DPP6: variants seen among roughly 807,000 people sequenced by gnomAD.
DPP6 encodes dipeptidyl peptidase like 6.
DPP6 carries 69 observed loss-of-function variants against 122.6 expected under a neutral mutation model. That is an observed-to-expected ratio of 0.56 (90% CI 0.46 to 0.69). DPP6 has a LOEUF of 0.69. Among genes scored for constraint, DPP6 ranks in the 30% least tolerant of loss-of-function variants. DPP6 has a pLI of 0.00. For missense variants in DPP6, 928 were observed against 1,116.9 expected, an observed-to-expected ratio of 0.83 and a Z score of 2.41; for synonymous variants, 418 against 433.1, an observed-to-expected ratio of 0.97 and a Z score of 0.43.
chr7:153,797,081 A>G, the DPP6 span, among the ~76,000 whole-genome samples: 1 of 152,156 alleles, frequency 6.6e-6, no homozygotes, highest in Non-Finnish European at 1.5e-5. Flanking sequence ...AGGGCCTGGG[A>G]TCTGCCGTCA....
intron 1 of DPP6, among the ~76,000 whole-genome samples, chr7:154,158,152 G>A (rs1796785955): frequency 6.7e-6 from 1 of 149,522 alleles, no homozygotes. Context: ...TGATTGCATT[G>A]TTGCTGAACA....
At chr7:153,908,215 T>C (rs995709346) in intron 1 of DPP6, among the ~76,000 whole-genome samples, 2 of 152,132 alleles carry the variant, frequency 1.3e-5, no homozygotes, top group South Asian at 2.1e-4. Flanking sequence ...GGAATTAGAA[T>C]TATAAAGAAT....
chr7:154,685,674 G>C (rs1839555883), intron 7 of DPP6, among the ~76,000 whole-genome samples: 1 of 152,152 alleles, frequency 6.6e-6, no homozygotes, highest in South Asian at 2.1e-4. Context: ...TAAAATTGCT[G>C]GTCATTAAAA....
chr7:154,184,267 G>A (rs1172502690), intron 1 of DPP6, among the ~76,000 whole-genome samples: 1 of 151,408 alleles, frequency 6.6e-6, no homozygotes, highest in African/African-American at 2.4e-5. Context: ...GTAAGAAAAA[G>A]AATGTAGAAC....
At chr7:154,394,642 A>T (rs185208624) in intron 1 of DPP6, among the ~76,000 whole-genome samples, 5 of 152,306 alleles carry the variant, frequency 3.3e-5, no homozygotes, top group African/African-American at 1.2e-4. Context: ...GGTGACAATA[A>T]ATCAATGCCA....
At chr7:154,138,374 G>A (rs1248437126) in intron 1 of DPP6, among the ~76,000 whole-genome samples, 3 of 152,228 alleles carry the variant, frequency 2.0e-5, no homozygotes, top group African/African-American at 4.8e-5. Flanking sequence ...CTGGGATGAA[G>A]ACATTATTTG....
At position 154,278,185 on chromosome 7, in the gene DPP6, A is replaced by G. The variant is rs570958032; in HGVS notation, c.244-168029A>G. On this transcript the variant is annotated intron_variant, in intron 1 of 25. Coordinates refer to ENST00000377770, the MANE Select transcript of DPP6 (RefSeq NM_130797.4). ...TTTCACCAACAACTTACAACTCCAC[A>G]GTAAGTTGAGAGGAGTCCCGACTCC... 5.3e-5 allele frequency among the ~76,000 whole-genome samples: 8 copies of G among 152,316 alleles called. 1 individual carries two copies. The highest frequency in any genetic ancestry group is 1.9e-4 in the African/African-American group (8 of 41,572).
At chr7:153,897,521 G>T (rs191266369) in intron 1 of DPP6, among the ~76,000 whole-genome samples, 172 of 152,272 alleles carry the variant, frequency 1.1e-3, no homozygotes, top group African/African-American at 4.0e-3. Context: ...TACAGTTTTA[G>T]CTTGAAGCCT....
chr7:154,356,014 C>G (rs2151088616), intron 1 of DPP6, among the ~76,000 whole-genome samples: 1 of 152,184 alleles, frequency 6.6e-6, no homozygotes, highest in Admixed American at 6.5e-5. Context: ...TTCTCTTAAC[C>G]TCATTTTAAT....
At chr7:154,657,887 A>T (rs944128818) in intron 6 of DPP6, among the ~76,000 whole-genome samples, 1 of 152,158 alleles carries the variant, frequency 6.6e-6, no homozygotes, top group African/African-American at 2.4e-5. Context: ...TCCATGGAAA[A>T]ACTTGGAGCC....
intron 8 of DPP6, among the ~76,000 whole-genome samples, chr7:154,746,712 T>C (rs1345201956): frequency 6.6e-6 from 1 of 152,178 alleles, no homozygotes; most frequent in Non-Finnish European, 1.5e-5. Context: ...CAAAAGAGTA[T>C]TCACTGTGAC....
At position 154,202,096 on chromosome 7, in the gene DPP6, A is replaced by G. The variant is rs536587072; in HGVS notation, c.243+149033A>G. Among the ~76,000 whole-genome samples, 14 of 152,268 alleles carry G rather than the reference A, an allele frequency of 9.2e-5. No homozygotes were observed. The East Asian group carries it at 2.7e-3, about 29-fold the overall frequency. On this transcript the variant is annotated intron_variant, in intron 1 of 25. Coordinates refer to ENST00000377770, the MANE Select transcript of DPP6 (RefSeq NM_130797.4). The stretch of plus-strand genomic sequence containing the variant: ...GAGTTTTGGGAATTTAAATAAGTAA[A>G]TCGTGTGATGGAGTTTGGAAGTGAT...
intron 1 of DPP6, among the ~76,000 whole-genome samples, chr7:153,955,691 G>A (rs779592877): frequency 8.3e-4 from 127 of 152,106 alleles, no homozygotes; most frequent in Middle Eastern, 3.2e-3. Flanking sequence ...CACCCACCTC[G>A]GCCTCCAAAA....
At chr7:153,984,231 T>C (rs544519617) in intron 1 of DPP6, among the ~76,000 whole-genome samples, 123 of 152,322 alleles carry the variant, frequency 8.1e-4, no homozygotes, top group African/African-American at 2.9e-3. Context: ...TTTCTCCTTA[T>C]GTCTGTGATT....
At chr7:154,377,687 C>A (rs557031919) in intron 1 of DPP6, among the ~76,000 whole-genome samples, 28 of 152,002 alleles carry the variant, frequency 1.8e-4, no homozygotes, top group Middle Eastern at 3.4e-3. Flanking sequence ...TCCCCTTCAC[C>A]TTCCACCATG....
intron 1 of DPP6, among the ~76,000 whole-genome samples, chr7:153,918,582 C>CACACACAG (rs1800478372): frequency 2.7e-5 from 1 of 37,272 alleles, no homozygotes; most frequent in African/African-American, 9.3e-5. Flanking sequence ...CTCTCTCTCT[C>CACACACAG]TCTCTCTCTC....
intron 1 of DPP6, among the ~76,000 whole-genome samples, chr7:154,115,825 A>G (rs1806946093): frequency 6.6e-6 from 1 of 152,168 alleles, no homozygotes; most frequent in South Asian, 2.1e-4. Context: ...CCAAGTAATT[A>G]CACCTGCAGA....
intron 5 of DPP6, among the ~76,000 whole-genome samples, chr7:154,614,426 T>C (rs747995218): frequency 1.8e-3 from 102 of 56,320 alleles, no homozygotes; most frequent in Non-Finnish European, 4.0e-3. Context: ...TTGATGTAGC[T>C]TTTTTTCCAG....
chr7:154,454,953 C>T (rs760082639), intron 2 of DPP6, among the ~76,000 whole-genome samples: 3 of 152,162 alleles, frequency 2.0e-5, no homozygotes, highest in Non-Finnish European at 1.5e-5. Flanking sequence ...GAACAGCCAA[C>T]TAAAACTGTT....
Sources: allele counts gnomAD v4.1 joint callset (sites outside exome capture counted in the v4.1 genomes callset), GRCh38; gene constraint gnomAD v4.1.1; transcripts MANE v1.5; gene names NCBI Gene and HGNC (gene_info 2026-07-23, HGNC 2026-07-21).